Variants in NCF2 observed in about 807,000 individuals in gnomAD.
NCF2 encodes neutrophil cytosol factor 2.
In NCF2, 45 loss-of-function variants were observed where a neutral mutation model predicts 70.9. That is an observed-to-expected ratio of 0.63 (90% CI 0.50 to 0.81). The LOEUF is 0.81. Ranked by LOEUF, NCF2 falls within the 40% of genes least tolerant of loss-of-function variation. The pLI is 0.00. For synonymous variants in NCF2, 203 were observed against 233.6 expected (o/e 0.87, Z 1.19); for missense variants, 522 against 631.6 (o/e 0.83, Z 1.86).
intron 14 of NCF2, among the ~76,000 whole-genome samples, chr1:183,556,777 A>C (rs1188938585): frequency 6.6e-6 from 1 of 151,992 alleles, no homozygotes; most frequent in African/African-American, 2.4e-5. Context: ...GATCCACCCA[A>C]CTCAGCCTCC....
intron 9 of NCF2, 138 bp from the exon 10 acceptor site, chr1:183,565,917 G>T: frequency 1.2e-6 from 1 of 819,234 alleles, no homozygotes; most frequent in Non-Finnish European, 2.0e-6. Flanking sequence ...GAATGGTAGT[G>T]ACATTTGGGG....
At chr1:183,563,726 A>G in intron 11 of NCF2, 141 bp from the exon 12 acceptor site, 1 of 1,085,192 alleles carries the variant, frequency 9.2e-7, no homozygotes, top group Non-Finnish European at 1.4e-6. Flanking sequence ...GTTTCACAGT[A>G]GCCTAAAAGG....
chr1:183,563,133 T>C, intron 13 of NCF2, 62 bp downstream of exon 13: 1 of 1,474,766 alleles, frequency 6.8e-7, no homozygotes, highest in South Asian at 1.1e-5. Flanking sequence ...TTGATAAATT[T>C]CAAATTGTTG....
At chr1:183,558,275 GT>G (rs572351199) in intron 14 of NCF2, among the ~76,000 whole-genome samples, 9 of 144,490 alleles carry the variant, frequency 6.2e-5, no homozygotes, top group Admixed American at 6.9e-5. Flanking sequence ...TTTTGTTTTT[GT>G]TTTTTTTTTG....
intron 10 of NCF2, 23 bp from the exon 11 acceptor site, chr1:183,564,053 A>G (rs931369367): frequency 6.2e-7 from 1 of 1,605,166 alleles, no homozygotes. Flanking sequence ...AGTAGGGAGT[A>G]AAACAAAAGA....
upstream of NCF2, among the ~76,000 whole-genome samples, chr1:183,593,311 T>C (rs1673720361): frequency 6.6e-6 from 1 of 152,182 alleles, no homozygotes; most frequent in Admixed American, 6.5e-5. Flanking sequence ...TCTTTTAACA[T>C]TTCTTTGCCT....
intron 14 of NCF2, among the ~76,000 whole-genome samples, chr1:183,558,918 A>T (rs922450102): frequency 6.6e-6 from 1 of 152,152 alleles, no homozygotes; most frequent in Non-Finnish European, 1.5e-5. Context: ...ATTTTCTGTT[A>T]TAATTGATGG....
At position 183,555,822 on chromosome 1, in the gene NCF2, C is replaced by G; in HGVS notation, c.*296G>C. 1 of 459,388 alleles carries G rather than the reference C, an allele frequency of 2.2e-6. No individual in the cohort carries two copies. 28.5% of individuals were successfully genotyped at this position (459,388 alleles called of 1,614,324 possible). ...ACAGCTGGCTAGCTAGCACTCAGAG[C>G]AAGAAACAGGATCAGTACCTGGAAG... On this transcript the variant is annotated 3_prime_UTR_variant, in exon 15 of 15. Coordinates refer to ENST00000367535, the MANE Select transcript of NCF2 (RefSeq NM_000433.4).
chr1:183,592,945 T>C (rs766916224), upstream of NCF2, among the ~76,000 whole-genome samples: 94 of 152,158 alleles, frequency 6.2e-4, 1 homozygote, highest in Non-Finnish European at 1.8e-4. Context: ...TGTCTGCACC[T>C]TCAAACCCAC....
intron 2 of NCF2, among the ~76,000 whole-genome samples, chr1:183,585,041 A>G (rs1471049476): frequency 2.0e-5 from 3 of 152,124 alleles, no homozygotes; most frequent in Non-Finnish European, 4.4e-5. Context: ...TTTTTCTTTT[A>G]GAAAAGACTT....
intron 14 of NCF2, 139 bp downstream of exon 14, chr1:183,559,957 C>T: frequency 8.8e-6 from 8 of 905,248 alleles, no homozygotes; most frequent in Non-Finnish European, 1.4e-5. Flanking sequence ...TTTGCTCCCT[C>T]CAGCTAGATG....
intron 14 of NCF2, among the ~76,000 whole-genome samples, 196 bp from the exon 15 acceptor site, chr1:183,556,426 GATA>G (rs951879398): frequency 6.6e-6 from 1 of 152,144 alleles, no homozygotes; most frequent in African/African-American, 2.4e-5. Flanking sequence ...TCTTAAACAT[GATA>G]ATGAGCAAAA....
intron 2 of NCF2, among the ~76,000 whole-genome samples, chr1:183,586,663 T>C (rs780956846): frequency 3.9e-5 from 6 of 152,132 alleles, no homozygotes; most frequent in Non-Finnish European, 8.8e-5. Context: ...TTACCTAGGC[T>C]CATTGTGCCT....
chr1:183,586,733 C>CCT (rs1673369516), intron 2 of NCF2, among the ~76,000 whole-genome samples, 162 bp downstream of exon 2: 2 of 152,188 alleles, frequency 1.3e-5, no homozygotes, highest in Non-Finnish European at 2.9e-5. Context: ...GTGAGAGCTT[C>CCT]TGCCTCACCT....
the NCF2 span, among the ~76,000 whole-genome samples, chr1:183,599,434 C>CTTTCTT: frequency 2.2e-5 from 2 of 92,256 alleles, no homozygotes; most frequent in African/African-American, 7.6e-5. Flanking sequence ...TTCTTTCTTT[C>CTTTCTT]TTTCTTTCTT....
At position 183,579,703 on chromosome 1, in the gene NCF2, C is replaced by A. The variant is rs1672968995; in HGVS notation, c.258-1996G>T. On this transcript the variant is annotated intron_variant, in intron 2 of 14. Transcript: ENST00000367535. ...GCAGTGAGCAGAGATCACACCACTG[C>A]ACTCCAGCCTGGGTGACAGAGTGAG... Among the ~76,000 whole-genome samples, 5 of 132,762 alleles carry A rather than the reference C, an allele frequency of 3.8e-5. No individual in the cohort carries two copies. In the Admixed American group the frequency reaches 4.3e-4, roughly 11 times the overall value. 87.1% of individuals were successfully genotyped at this position (132,762 alleles called of 152,430 possible).
rs768748386 is a variant in NCF2, at chr1:183,556,118, C to T, written c.1581G>A (p.Ter527=). The change falls in exon 15 of 15, where the codon TAG becomes TAA. Residue 527 remains the stop codon, a stop_retained_variant. Coordinates refer to ENST00000367535, the MANE Select transcript of NCF2 (RefSeq NM_000433.4). ...TDLESTRREV[*] ...TCAGCTTTGTAGTTTGTGAAACATC[C>T]TAGACTTCTCTCCGAGTGCTTTCCA... 2.5e-6 allele frequency: 4 copies of T among 1,613,270 alleles called. No homozygotes were observed. The highest frequency in any genetic ancestry group is 3.3e-4 in the Middle Eastern group (2 of 6,082).
rs916200925 is a variant in NCF2 at position 183,570,706 on chromosome 1, T to C, written c.669+74A>G. The C allele has an allele frequency of 2.1e-5, 31 of 1,491,108 alleles. No individual in the cohort carries two copies. The Admixed American group carries it at 4.8e-4, about 23-fold the overall frequency. The allele number at this position is 1,491,108 out of a possible 1,614,324, so 92.4% of individuals were successfully genotyped here. On this transcript the variant is annotated intron_variant, in intron 6 of 14. Transcript: ENST00000367535. ...TTACAATCAGGCAACTCAGCACACA[T>C]AGTCTCTCGAATTGAATGCTTCACA...
chr1:183,563,210 C>G lies in NCF2; in HGVS notation c.1275G>C (p.Trp425Cys), dbSNP rs1360130502. 11 of 1,614,126 alleles carry G rather than the reference C, an allele frequency of 6.8e-6. No individual in the cohort carries two copies. Among genetic ancestry groups the G allele is most frequent in the Non-Finnish European group, 9.3e-6 (11 of 1,179,964 alleles). ...TTGCACTCACCACTGTGTTCTCACA[C>G]CACAGAGTCAGGCAGTAGTTTTTCA... The part of the protein sequence containing the change: ...GQVKNYCLTL[W>C]CENTVGDQGF... Residue 425 changes from tryptophan to cysteine, a missense_variant, in exon 13 of 15, where the codon TGG becomes TGC. Transcript: ENST00000367535.
Sources: allele counts gnomAD v4.1 joint callset (sites outside exome capture counted in the v4.1 genomes callset), GRCh38; gene constraint gnomAD v4.1.1; transcripts MANE v1.5; gene names NCBI Gene and HGNC (gene_info 2026-07-23, HGNC 2026-07-21).